Variants in DLG2 observed in about 807,000 individuals in gnomAD.
The protein encoded by DLG2 is discs large MAGUK scaffold protein 2.
A neutral mutation model predicts 132.5 loss-of-function variants in DLG2; 45 were observed. That is an observed-to-expected ratio of 0.34 (90% CI 0.27 to 0.44). The LOEUF is 0.44. Ranked by LOEUF, DLG2 falls within the 20% of genes least tolerant of loss-of-function variation. The pLI is 1.00. For synonymous variants in DLG2, 424 were observed against 419.6 expected, an observed-to-expected ratio of 1.01 and a Z score of -0.13; for missense variants, 1,045 against 1,196.9, an observed-to-expected ratio of 0.87 and a Z score of 1.87.
intron 11 of DLG2, 98 bp from the exon 12 acceptor site, chr11:83,980,740 ATCC>A (rs1298185986): frequency 3.2e-5 from 38 of 1,196,066 alleles, no homozygotes; most frequent in Non-Finnish European, 4.2e-5. Context: ...TTAAAAATGA[ATCC>A]TCAACTTATT....
intron 4 of DLG2, among the ~76,000 whole-genome samples, chr11:85,200,318 T>C (rs935643036): frequency 6.6e-5 from 10 of 152,240 alleles, no homozygotes; most frequent in African/African-American, 1.9e-4. Context: ...AAGAGGCTTG[T>C]CTGCCTGTTT....
intron 19 of DLG2, chr11:83,632,521 G>C (rs1354740707): frequency 6.6e-6 from 1 of 152,208 alleles, no homozygotes; most frequent in Non-Finnish European, 1.5e-5. Flanking sequence ...AATACAGGAA[G>C]CTTGTCTTGG....
At chr11:84,364,051 T>G (rs1465730328) in intron 7 of DLG2, among the ~76,000 whole-genome samples, 1 of 152,108 alleles carries the variant, frequency 6.6e-6, no homozygotes, top group Non-Finnish European at 1.5e-5. Context: ...GTGAAGAAAG[T>G]CATTGGTAGC....
intron 2 of DLG2, among the ~76,000 whole-genome samples, chr11:85,601,628 C>T (rs1467787654): frequency 6.6e-6 from 1 of 152,138 alleles, no homozygotes; most frequent in Non-Finnish European, 1.5e-5. Flanking sequence ...TGTCAGCCAC[C>T]GTGCCAGGCT....
At chr11:84,920,556 T>C (rs2092705070) in intron 6 of DLG2, among the ~76,000 whole-genome samples, 1 of 152,242 alleles carries the variant, frequency 6.6e-6, no homozygotes, top group African/African-American at 2.4e-5. Flanking sequence ...TCTGTGTCTT[T>C]TTCCGACTGG....
chr11:83,645,951 C>A (rs575640024), intron 18 of DLG2: 3 of 152,070 alleles, frequency 2.0e-5, no homozygotes, highest in Non-Finnish European at 4.4e-5. Context: ...AATCCAAGAG[C>A]CAGGAATCAT....
intron 8 of DLG2, among the ~76,000 whole-genome samples, chr11:84,191,924 T>G (rs186215899): frequency 6.6e-6 from 1 of 150,622 alleles, no homozygotes; most frequent in East Asian, 1.9e-4. Context: ...AAAAAAAAAA[T>G]GCTGAGCACG....
At chr11:85,606,104 A>G (rs1423746547) in intron 2 of DLG2, among the ~76,000 whole-genome samples, 1 of 152,240 alleles carries the variant, frequency 6.6e-6, no homozygotes, top group Admixed American at 6.5e-5. Flanking sequence ...CAAGTCATGG[A>G]AGATTTTTAA....
intron 6 of DLG2, among the ~76,000 whole-genome samples, chr11:85,101,127 T>C (rs1039109042): frequency 2.0e-4 from 31 of 152,116 alleles, no homozygotes; most frequent in African/African-American, 7.2e-4. Context: ...AGCTTGTTAT[T>C]GCTTTTAACA....
At chr11:84,824,831 G>C (rs1209897498) in intron 6 of DLG2, among the ~76,000 whole-genome samples, 1 of 151,822 alleles carries the variant, frequency 6.6e-6, no homozygotes, top group Non-Finnish European at 1.5e-5. Context: ...CACAGTGCAT[G>C]TGTGGCAACA....
chr11:84,570,480 G>A (rs555784090), intron 6 of DLG2, among the ~76,000 whole-genome samples: 10 of 152,274 alleles, frequency 6.6e-5, no homozygotes, highest in South Asian at 4.1e-4. Context: ...CTGAAAGATA[G>A]GATAGTGTGC....
chr11:85,508,962 G>C (rs751874590), intron 3 of DLG2, among the ~76,000 whole-genome samples: 4 of 151,972 alleles, frequency 2.6e-5, no homozygotes, highest in Non-Finnish European at 4.4e-5. Context: ...AAAAGTAATA[G>C]TATAGTTTAT....
intron 2 of DLG2, among the ~76,000 whole-genome samples, chr11:85,602,370 C>T (rs2080223861): frequency 6.6e-6 from 1 of 152,112 alleles, no homozygotes; most frequent in African/African-American, 2.4e-5. Flanking sequence ...CACCTTTGCC[C>T]TCCTACAGTC....
At chr11:85,340,430 A>G (rs980184277) in intron 3 of DLG2, among the ~76,000 whole-genome samples, 4 of 147,558 alleles carry the variant, frequency 2.7e-5, no homozygotes, top group African/African-American at 9.8e-5. Flanking sequence ...ATATGTGGGA[A>G]TTGAACAATG....
At chr11:83,508,299 C>T (rs897836891) in intron 21 of DLG2, among the ~76,000 whole-genome samples, 4 of 150,358 alleles carry the variant, frequency 2.7e-5, no homozygotes, top group Non-Finnish European at 5.9e-5. Context: ...TGCAGTGGCA[C>T]GATCTCAACT....
chr11:83,772,616 A>G lies in DLG2; in HGVS notation c.1825+14074T>C, dbSNP rs114783269. On this transcript the variant is annotated intron_variant, in intron 18 of 27. Coordinates refer to ENST00000376104, the MANE Select transcript of DLG2 (RefSeq NM_001142699.3). ...GAGAGGAAGAAAGGAAGGAAGGAAG[A>G]AAGGAAAGAAGGAAGATCTAATGCT... Among the ~76,000 whole-genome samples, 1,390 of 151,844 alleles carry G rather than the reference A, an allele frequency of 9.2e-3. 19 individuals carry two copies. The highest frequency in any genetic ancestry group is 0.032 in the African/African-American group (1,314 of 41,406).
intron 4 of DLG2, among the ~76,000 whole-genome samples, chr11:85,223,689 A>C (rs1472211358): frequency 1.3e-5 from 2 of 152,084 alleles, no homozygotes; most frequent in Non-Finnish European, 2.9e-5. Context: ...ATACAGGAGA[A>C]AATGCACTAC....
rs560503546 is a variant in DLG2, at chr11:84,343,379, C to CT, written c.520-92089dup. 1.5e-3 allele frequency among the ~76,000 whole-genome samples: 236 copies of CT among 152,296 alleles called. 3 individuals are homozygous for CT. The highest frequency in any genetic ancestry group is 0.014 in the Admixed American group (211 of 15,300). ...ATCCCCCCAACCTAAGGGAAAAGCC[C>CT]TGAATTATGCTGTCAGCTGTTTTCA... On this transcript the variant is annotated intron_variant, in intron 7 of 27. Coordinates refer to ENST00000376104, the MANE Select transcript of DLG2 (RefSeq NM_001142699.3).
At chr11:83,874,238 A>G (rs987214494) in intron 16 of DLG2, among the ~76,000 whole-genome samples, 182 bp downstream of exon 16, 2 of 34,156 alleles carry the variant, frequency 5.9e-5, no homozygotes, top group South Asian at 1.8e-3. Context: ...AGAAAGACAA[A>G]GAAAGAAGGG....
Sources: allele counts gnomAD v4.1 joint callset (sites outside exome capture counted in the v4.1 genomes callset), GRCh38; gene constraint gnomAD v4.1.1; transcripts MANE v1.5; gene names NCBI Gene and HGNC (gene_info 2026-07-23, HGNC 2026-07-21).